The following GBE1 variants were observed in gnomAD, a reference collection of about 807,000 sequenced individuals.
GBE1 encodes the protein 1,4-alpha-glucan-branching enzyme.
A neutral mutation model predicts 88.8 loss-of-function variants in GBE1; 70 were observed. That is an observed-to-expected ratio of 0.79 (90% confidence interval 0.65 to 0.96). The LOEUF is 0.96. Among genes scored for constraint, GBE1 ranks in the 40% least tolerant of loss-of-function variants. The pLI is 0.00. For missense variants in GBE1, 872 were observed against 871.0 expected (o/e 1.00, Z -0.01); for synonymous variants, 284 against 300.1 (o/e 0.95, Z 0.56).
chr3:81,492,863 G>A (rs2106800619), intron 15 of GBE1, among the ~76,000 whole-genome samples: 1 of 151,868 alleles, frequency 6.6e-6, no homozygotes, highest in East Asian at 1.9e-4. Flanking sequence ...TCAGCCTCCT[G>A]AGTAGCTGGT....
chr3:81,593,472 G>T (rs1205212570), intron 8 of GBE1, among the ~76,000 whole-genome samples: 1 of 150,904 alleles, frequency 6.6e-6, no homozygotes, highest in East Asian at 1.9e-4. Context: ...TAAGCTGAGA[G>T]TCTGATAAAT....
chr3:81,694,568 A>G (rs907187540), intron 2 of GBE1, among the ~76,000 whole-genome samples: 7 of 152,300 alleles, frequency 4.6e-5, no homozygotes, highest in East Asian at 1.9e-4. Flanking sequence ...CAACAGAAGC[A>G]GAAGCCAAGG....
chr3:81,748,239 C>G (rs926211403), intron 1 of GBE1, among the ~76,000 whole-genome samples: 1 of 152,202 alleles, frequency 6.6e-6, no homozygotes, highest in Non-Finnish European at 1.5e-5. Context: ...TTTAAAAGAT[C>G]TTTAAATGTA....
chr3:81,646,717 C>T (rs1274276643), intron 5 of GBE1, among the ~76,000 whole-genome samples: 1 of 152,020 alleles, frequency 6.6e-6, no homozygotes, highest in Non-Finnish European at 1.5e-5. Flanking sequence ...TTTTAACAAG[C>T]AATAAATAAT....
At chr3:81,552,389 C>G (rs1047099031) in intron 12 of GBE1, among the ~76,000 whole-genome samples, 8 of 152,092 alleles carry the variant, frequency 5.3e-5, no homozygotes, top group South Asian at 4.2e-4. Flanking sequence ...GCGTGGCAGG[C>G]ACCTGTAATT....
chr3:81,636,642 T>C (rs1704595808), intron 7 of GBE1, among the ~76,000 whole-genome samples: 2 of 152,034 alleles, frequency 1.3e-5, no homozygotes, highest in Non-Finnish European at 1.5e-5. Context: ...GCAATTCTCC[T>C]GCCTCAGCCT....
chr3:81,638,546 C>G (rs1399397242), intron 7 of GBE1, among the ~76,000 whole-genome samples: 2 of 152,094 alleles, frequency 1.3e-5, no homozygotes, highest in African/African-American at 4.8e-5. Flanking sequence ...ATTACTAATT[C>G]TAGAAACTCC....
intron 13 of GBE1, among the ~76,000 whole-genome samples, chr3:81,536,105 A>G (rs1029080878): frequency 4.6e-5 from 7 of 151,982 alleles, no homozygotes; most frequent in African/African-American, 1.7e-4. Flanking sequence ...GAAAAGGAGC[A>G]TCATTTTGCT....
At chr3:81,500,502 C>T (rs1702572953) in intron 14 of GBE1, among the ~76,000 whole-genome samples, 1 of 152,134 alleles carries the variant, frequency 6.6e-6, no homozygotes, top group Admixed American at 6.5e-5. Flanking sequence ...TAAAACAGTA[C>T]AGTTTAGAGA....
intron 7 of GBE1, among the ~76,000 whole-genome samples, chr3:81,629,570 T>C (rs564466921): frequency 6.6e-6 from 1 of 152,148 alleles, no homozygotes; most frequent in Admixed American, 6.5e-5. Flanking sequence ...CCCAATGTAA[T>C]GATTACAAAG....
chr3:81,639,526 G>A (rs778146308), intron 7 of GBE1, among the ~76,000 whole-genome samples: 62 of 152,114 alleles, frequency 4.1e-4, no homozygotes, highest in Admixed American at 1.3e-3. Context: ...AGGGAGGGGC[G>A]TTAAGGAATT....
chr3:81,593,100 C>T (rs1051305076), intron 8 of GBE1, among the ~76,000 whole-genome samples: 70 of 152,092 alleles, frequency 4.6e-4, no homozygotes, highest in African/African-American at 1.6e-3. Flanking sequence ...TGGTGGCTCA[C>T]TCCTGCAATC....
chr3:81,722,594 G>T (rs1189127833), intron 1 of GBE1, among the ~76,000 whole-genome samples: 1 of 151,826 alleles, frequency 6.6e-6, no homozygotes, highest in East Asian at 1.9e-4. Flanking sequence ...AGAAAAGTTT[G>T]AAAGTTTATT....
chr3:81,745,475 A>C (rs1706408570), intron 1 of GBE1, among the ~76,000 whole-genome samples: 1 of 152,098 alleles, frequency 6.6e-6, no homozygotes, highest in African/African-American at 2.4e-5. Flanking sequence ...GAAACTTCTT[A>C]GGAAGGCAGA....
Position 81,642,902 on chromosome 3 carries a change from G to T in GBE1, c.871C>A (p.His291Asn). 1.9e-6 allele frequency: 3 copies of T among 1,612,630 alleles called. No homozygotes were observed. The East Asian group carries it at 6.7e-5, about 36-fold the overall frequency. Residue 291 changes from histidine (H) to asparagine (N), a missense_variant, in exon 7 of 16, where the codon CAT becomes AAT. Transcript: ENST00000429644. ...CCATCTGCTGAATTTTTTGAAGCAT[G>T]GCTGTGTACCACATCTAAGAGGACT... is the stretch of plus-strand genomic sequence containing the variant. ...IIVLLDVVHS[H>N]ASKNSADGLN... is the part of the protein sequence containing the mutation.
Position 81,761,260 on chromosome 3 carries a change from C to T in GBE1, c.143+115G>A, listed in dbSNP as rs1706679639. On this transcript the variant is annotated intron_variant, in intron 1 of 15. Transcript: ENST00000429644. ...CCCCGAGCCCCGCCCACTCAGGTTC[C>T]TCCCCGCCTGGGGCGGGGTTGGCGC... 1.5e-5 allele frequency: 21 copies of T among 1,376,736 alleles called. No homozygotes were observed. The South Asian group carries it at 2.5e-4, about 17-fold the overall frequency. 85.3% of individuals were successfully genotyped at this position (1,376,736 alleles called of 1,614,324 possible). A position where few individuals can be genotyped will look rare whatever the true frequency, so the allele number is the denominator to read the frequency against.
At chr3:81,756,616 G>A (rs1706605569) in intron 1 of GBE1, among the ~76,000 whole-genome samples, 1 of 152,160 alleles carries the variant, frequency 6.6e-6, no homozygotes, top group African/African-American at 2.4e-5. Flanking sequence ...AGTGGTCCAA[G>A]GTGGCAGAAA....
At chr3:81,555,914 A>G (rs1243678053) in intron 12 of GBE1, among the ~76,000 whole-genome samples, 1 of 152,120 alleles carries the variant, frequency 6.6e-6, no homozygotes, top group Non-Finnish European at 1.5e-5. Flanking sequence ...ACACACAAAC[A>G]GGGTTGTTAT....
chr3:81,538,461 A>C (rs1449476978), intron 12 of GBE1, among the ~76,000 whole-genome samples: 1 of 151,966 alleles, frequency 6.6e-6, no homozygotes, highest in Non-Finnish European at 1.5e-5. Context: ...TTTCAGTCTA[A>C]ATGATAATAT....
Sources: allele counts gnomAD v4.1 joint callset (sites outside exome capture counted in the v4.1 genomes callset), GRCh38; gene constraint gnomAD v4.1.1; transcripts MANE v1.5; gene names NCBI Gene and HGNC (gene_info 2026-07-23, HGNC 2026-07-21).